ADRA1A: variants seen among roughly 807,000 people sequenced by gnomAD.
The protein encoded by ADRA1A is adrenoceptor alpha 1A.
In ADRA1A, 31 loss-of-function variants were observed where a neutral mutation model predicts 29.6. That is an observed-to-expected ratio of 1.05 (90% CI 0.79 to 1.41). The LOEUF (loss-of-function observed/expected upper bound fraction) is 1.41. Ranked by LOEUF, ADRA1A falls within the 40% of genes most tolerant of loss-of-function variation. The pLI, the probability that ADRA1A is intolerant of heterozygous loss-of-function variation, is 0.00. For missense variants in ADRA1A, 619 were observed against 601.1 expected, an observed-to-expected ratio of 1.03 and a Z score of -0.31; for synonymous variants, 311 against 254.3, an observed-to-expected ratio of 1.22 and a Z score of -2.12.
At chr8:26,770,856 T>C (rs116458688) in intron 2 of ADRA1A, among the ~76,000 whole-genome samples, 190 bp from the exon 3 acceptor site, 2,366 of 152,272 alleles carry the variant, frequency 0.016, 57 homozygotes, top group African/African-American at 0.051. Flanking sequence ...TCAAAGACCA[T>C]TCCTACTTGG....
At chr8:26,849,540 C>A (rs1259925177) in intron 2 of ADRA1A, among the ~76,000 whole-genome samples, 1 of 152,194 alleles carries the variant, frequency 6.6e-6, no homozygotes, top group Non-Finnish European at 1.5e-5. Flanking sequence ...ATAAAGAGTT[C>A]TGTACTCTGG....
At position 26,846,720 on chromosome 8, in the gene ADRA1A, C is replaced by T. The variant is rs151073005; in HGVS notation, c.883+17367G>A. ...CCAGGAGGCAGAGGTTGCAGTGAGC[C>T]GCGATCGCGCCATTGCACTCCAGCC... On this transcript the variant is annotated intron_variant, in intron 2 of 2. Coordinates refer to ENST00000380573, the MANE Select transcript of ADRA1A (RefSeq NM_000680.4). Among the ~76,000 whole-genome samples, 476 of 152,262 alleles carry T rather than the reference C, an allele frequency of 3.1e-3. 3 individuals are homozygous for T. Among genetic ancestry groups the T allele is most frequent in the African/African-American group, 0.011 (447 of 41,550 alleles).
At chr8:26,820,044 C>A (rs1026437562) in intron 2 of ADRA1A, among the ~76,000 whole-genome samples, 1 of 151,998 alleles carries the variant, frequency 6.6e-6, no homozygotes, top group African/African-American at 2.4e-5. Flanking sequence ...GTCAATTAAC[C>A]ATGAAGATAT....
chr8:26,832,902 A>G (rs962735791), intron 2 of ADRA1A, among the ~76,000 whole-genome samples: 3 of 152,156 alleles, frequency 2.0e-5, no homozygotes, highest in Non-Finnish European at 4.4e-5. Flanking sequence ...GGCTGCCTGC[A>G]GGAAGAAGGA....
Position 26,865,418 on chromosome 8 carries a change from C to T in ADRA1A, c.-449G>A, listed in dbSNP as rs1813834337. On this transcript the variant is annotated 5_prime_UTR_variant, in exon 2 of 3. Transcript: ENST00000380573. This position sits in a 1 kb window ranked among gnomAD's most constrained non-coding sequence, Gnocchi z 7.6. The stretch of plus-strand genomic sequence containing the variant: ...TGATTCGGAATTCAAAACTCCAGCG[C>T]CAGTCTCTCCCTCAAACCAAAAGAT... 3.0e-6 allele frequency: 3 copies of T among 1,004,046 alleles called. No individual in the cohort carries two copies. The African/African-American group carries it at 5.2e-5, about 17-fold the overall frequency. The allele number at this position is 1,004,046 out of a possible 1,614,324, so 62.2% of individuals were successfully genotyped here.
At chr8:26,859,241 C>T in intron 2 of ADRA1A, 1 of 1,214,670 alleles carries the variant, frequency 8.2e-7, no homozygotes, top group African/African-American at 1.6e-5. Context: ...ATTTATTCTT[C>T]TGCTCACATT....
At chr8:26,822,973 C>G (rs1037371324) in intron 2 of ADRA1A, among the ~76,000 whole-genome samples, 24 of 152,094 alleles carry the variant, frequency 1.6e-4, no homozygotes, top group Admixed American at 1.2e-3. Flanking sequence ...GAGAAACCAC[C>G]CTTTGAGTCA....
Position 26,805,239 on chromosome 8 carries a change from C to G in ADRA1A, c.884-34573G>C, listed in dbSNP as rs1808889240. On this transcript the variant is annotated intron_variant, in intron 2 of 2. Transcript: ENST00000380573. The surrounding 1 kb of genome is among the most constrained non-coding windows in gnomAD (Gnocchi z 4.8). ...ACGTGAAGTCGCCTTCCTCATTTGT[C>G]CACTCTCAATTTACACCTATTGCCT... Among the ~76,000 whole-genome samples, 1 of 152,196 alleles carries G rather than the reference C, an allele frequency of 6.6e-6. No homozygotes were observed. Among genetic ancestry groups the G allele is most frequent in the African/African-American group, 2.4e-5 (1 of 41,448 alleles).
Position 26,770,012 on chromosome 8 carries a change from G to A in ADRA1A, c.*137C>T. On this transcript the variant is annotated 3_prime_UTR_variant, in exon 3 of 3. Transcript: ENST00000380573. The stretch of plus-strand genomic sequence containing the variant: ...CCCTACCCGCTGCCTGATGAGTTGG[G>A]TCTACCACCCACCCCATTCCCAGCA... 1 of 1,465,856 alleles carries A rather than the reference G, an allele frequency of 6.8e-7. No individual in the cohort carries two copies. Among genetic ancestry groups the A allele is most frequent in the Admixed American group, 2.4e-5 (1 of 42,314 alleles). The allele number at this position is 1,465,856 out of a possible 1,614,324, so 90.8% of individuals were successfully genotyped here. A position where few individuals can be genotyped will look rare whatever the true frequency, so the allele number is the denominator to read the frequency against.
At chr8:26,800,512 A>G (rs1356009042) in intron 2 of ADRA1A, among the ~76,000 whole-genome samples, 2 of 152,164 alleles carry the variant, frequency 1.3e-5, no homozygotes, top group Non-Finnish European at 2.9e-5. Flanking sequence ...GAAGAAATGG[A>G]CATATTCCCA....
downstream of ADRA1A, among the ~76,000 whole-genome samples, chr8:26,755,258 A>G (rs1228428367): frequency 6.6e-6 from 1 of 151,806 alleles, no homozygotes; most frequent in African/African-American, 2.4e-5. Flanking sequence ...GAGAACAAAG[A>G]GAATCACGCA....
chr8:26,843,006 T>C (rs1418420678), intron 2 of ADRA1A, among the ~76,000 whole-genome samples: 2 of 152,116 alleles, frequency 1.3e-5, no homozygotes, highest in African/African-American at 4.8e-5. Flanking sequence ...CTTTTCAAAT[T>C]CTACCTTTCA....
In ADRA1A at chr8:26,815,780, A is replaced by G. The variant is rs1227907770; in HGVS notation, c.884-45114T>C. 2.6e-5 allele frequency among the ~76,000 whole-genome samples: 4 copies of G among 152,258 alleles called. No individual in the cohort carries two copies. The highest frequency in any genetic ancestry group is 2.0e-4 in the Admixed American group (3 of 15,284). On this transcript the variant is annotated intron_variant, in intron 2 of 2. Transcript: ENST00000380573. This position sits in a 1 kb window ranked among gnomAD's most constrained non-coding sequence, Gnocchi z 4.2. ...CCTCAAATATTTCTATCAGAGAAGA[A>G]GAAGGCTGAAAATTAATGAGCAAAG...
At chr8:26,792,443 A>G (rs1384046508) in intron 2 of ADRA1A, among the ~76,000 whole-genome samples, 1 of 152,036 alleles carries the variant, frequency 6.6e-6, no homozygotes, top group African/African-American at 2.4e-5. Context: ...GATTAATTTG[A>G]TAGATGTAGA....
chr8:26,861,550 C>A (rs1425987199), intron 2 of ADRA1A, among the ~76,000 whole-genome samples: 1 of 152,100 alleles, frequency 6.6e-6, no homozygotes, highest in African/African-American at 2.4e-5. Flanking sequence ...AAGTTTATAT[C>A]TGTAGCCCGC....
chr8:26,866,243 C>T lies in ADRA1A; in HGVS notation c.-686-588G>A, dbSNP rs1304231922. Among the ~76,000 whole-genome samples, 1 of 152,196 alleles carries T rather than the reference C, an allele frequency of 6.6e-6. No homozygotes were observed. Among genetic ancestry groups the T allele is most frequent in the East Asian group, 1.9e-4 (1 of 5,164 alleles). On this transcript the variant is annotated intron_variant, in intron 1 of 2. Transcript: ENST00000380573. This position sits in a 1 kb window ranked among gnomAD's most constrained non-coding sequence, Gnocchi z 5.7. ...CCACCAGCCAAGCTGGCTTGAGAGCCAGGTCCCGAGCGAAGCCGGGAGGGA... is the reference window on the plus strand; with the variant it reads ...CCACCAGCCAAGCTGGCTTGAGAGCTAGGTCCCGAGCGAAGCCGGGAGGGA...
intron 2 of ADRA1A, among the ~76,000 whole-genome samples, chr8:26,837,843 C>T (rs1344061421): frequency 6.6e-6 from 1 of 152,176 alleles, no homozygotes; most frequent in East Asian, 1.9e-4. Context: ...AAGCTCAGTA[C>T]CTCCCATGTA....
intron 2 of ADRA1A, among the ~76,000 whole-genome samples, chr8:26,857,237 A>T (rs901862659): frequency 6.6e-6 from 1 of 152,164 alleles, no homozygotes; most frequent in African/African-American, 2.4e-5. Context: ...GCCAGCTTCA[A>T]TTGCCAGGCA....
chr8:26,766,771 C>A (rs1805815451), downstream of ADRA1A, among the ~76,000 whole-genome samples: 1 of 152,036 alleles, frequency 6.6e-6, no homozygotes, highest in Non-Finnish European at 1.5e-5. Flanking sequence ...AGATTTTTAT[C>A]TGTAAAATAG....
Sources: gnomAD v4.1 joint callset for allele counts (sites outside exome capture counted in the v4.1 genomes callset) on GRCh38, gnomAD v4.1.1 for gene constraint, Gnocchi (gnomAD v3.1) non-coding constraint, MANE v1.5 for transcripts, NCBI Gene and HGNC (gene_info 2026-07-23, HGNC 2026-07-21) for gene names.